Variants in FAM171A1 observed in about 807,000 individuals in gnomAD.
FAM171A1 encodes family with sequence similarity 171 member A1.
A neutral mutation model predicts 74.9 loss-of-function variants in FAM171A1; 23 were observed. The ratio of observed to expected loss-of-function variants is 0.31; its 90% CI spans 0.22 to 0.44. The LOEUF is 0.44. Ranked by LOEUF, FAM171A1 falls within the 20% of genes least tolerant of loss-of-function variation. The pLI is 1.00. For synonymous variants in FAM171A1, 527 were observed against 505.7 expected (o/e 1.04, Z -0.57); for missense variants, 1,162 against 1,159.2 (o/e 1.00, Z -0.03).
chr10:15,214,158 T>C lies in FAM171A1; in HGVS notation c.1430A>G (p.Tyr477Cys), dbSNP rs1287014897. The change falls in exon 8 of 8, where the codon TAC becomes TGC. Residue 477 changes from tyrosine (Y) to cysteine (C), a missense_variant. Tyr to Cys is a radical substitution (Grantham distance 194). Coordinates refer to ENST00000378116, the MANE Select transcript of FAM171A1 (RefSeq NM_001010924.2). ...GTAGTCATCATTGCCCGAGGACTCGTAGCCTTCTCTTTCCATAGATTTTCT... is the reference window on the plus strand; with the variant it reads ...GTAGTCATCATTGCCCGAGGACTCGCAGCCTTCTCTTTCCATAGATTTTCT... ...KARKSMEREG[Y>C]ESSGNDDYRG... 3.1e-6 allele frequency: 5 copies of C among 1,614,184 alleles called. 1 individual carries two copies. In the South Asian group the frequency reaches 5.5e-5, roughly 18 times the overall value.
chr10:15,336,793 T>C (rs1835705864), intron 1 of FAM171A1, among the ~76,000 whole-genome samples: 1 of 152,134 alleles, frequency 6.6e-6, no homozygotes, highest in Non-Finnish European at 1.5e-5. Context: ...TCCCCAAGGA[T>C]ACAATGATTG....
intron 1 of FAM171A1, among the ~76,000 whole-genome samples, chr10:15,321,966 C>G (rs1276036911): frequency 2.0e-5 from 3 of 152,158 alleles, no homozygotes; most frequent in Non-Finnish European, 4.4e-5. Flanking sequence ...TGACTTTGAG[C>G]CAAGACAGCC....
chr10:15,354,439 C>T (rs937185344), intron 1 of FAM171A1, among the ~76,000 whole-genome samples: 8 of 151,732 alleles, frequency 5.3e-5, no homozygotes, highest in African/African-American at 1.7e-4. Context: ...GAGGTTGCAG[C>T]GCACCGAGAT....
chr10:15,317,298 C>G (rs1835434105), intron 1 of FAM171A1, among the ~76,000 whole-genome samples: 1 of 152,176 alleles, frequency 6.6e-6, no homozygotes, highest in Non-Finnish European at 1.5e-5. Flanking sequence ...TGGGTTTATC[C>G]TGCAGGCCAG....
intron 1 of FAM171A1, among the ~76,000 whole-genome samples, chr10:15,287,612 T>A (rs1010471684): frequency 7.9e-5 from 12 of 152,104 alleles, no homozygotes; most frequent in Admixed American, 1.3e-4. Context: ...GGTCTTGATC[T>A]CTTGACCTGG....
At chr10:15,219,756 A>G (rs529310311) in intron 6 of FAM171A1, among the ~76,000 whole-genome samples, 317 of 152,204 alleles carry the variant, frequency 2.1e-3, no homozygotes, top group African/African-American at 7.3e-3. Context: ...TAATTTTTGT[A>G]TTTTGAGTAG....
At chr10:15,279,879 C>T (rs1834944944) in intron 2 of FAM171A1, among the ~76,000 whole-genome samples, 1 of 151,950 alleles carries the variant, frequency 6.6e-6, no homozygotes, top group South Asian at 2.1e-4. Flanking sequence ...GATTGCACCA[C>T]TGAGACTCTG....
At chr10:15,334,257 C>A (rs772100063) in intron 1 of FAM171A1, among the ~76,000 whole-genome samples, 1 of 152,184 alleles carries the variant, frequency 6.6e-6, no homozygotes, top group Non-Finnish European at 1.5e-5. Context: ...ATCCTCTAAC[C>A]TTGGGTTTTT....
intron 6 of FAM171A1, 95 bp downstream of exon 6, chr10:15,220,849 C>T: frequency 1.2e-6 from 1 of 864,548 alleles, no homozygotes; most frequent in Non-Finnish European, 1.8e-6. Flanking sequence ...GATGTGATCG[C>T]CCTGCTGAAG....
intron 4 of FAM171A1, among the ~76,000 whole-genome samples, chr10:15,249,530 T>G (rs1365711727): frequency 6.6e-6 from 1 of 152,238 alleles, no homozygotes; most frequent in East Asian, 1.9e-4. Context: ...GTGAGCCCCA[T>G]GCACATGTTA....
chr10:15,262,465 T>C (rs768350842), intron 3 of FAM171A1, among the ~76,000 whole-genome samples: 1 of 151,992 alleles, frequency 6.6e-6, no homozygotes, highest in Non-Finnish European at 1.5e-5. Context: ...AGAGAAAGGA[T>C]GAAGACATCC....
intron 1 of FAM171A1, among the ~76,000 whole-genome samples, chr10:15,361,755 T>A (rs1040676663): frequency 5.3e-5 from 8 of 152,206 alleles, no homozygotes; most frequent in African/African-American, 1.7e-4. Flanking sequence ...AAGTGTTCAG[T>A]GCTCTTCATT....
intron 2 of FAM171A1, among the ~76,000 whole-genome samples, chr10:15,279,900 TAAAAC>T (rs142632154): frequency 1.1e-4 from 17 of 149,752 alleles, no homozygotes; most frequent in African/African-American, 2.7e-4. Context: ...TCTTGAAAAA[TAAAAC>T]AAAACAAAAC....
In FAM171A1 at chr10:15,240,806, G is replaced by C. The variant is rs1335082201; in HGVS notation, c.754+7833C>G. 11 of 873,618 alleles carry C rather than the reference G, an allele frequency of 1.3e-5. No homozygotes were observed. The Admixed American group carries it at 6.2e-4, about 49-fold the overall frequency. The allele number at this position is 873,618 out of a possible 1,614,324, so 54.1% of individuals were successfully genotyped here. ...TGTAATCCCAGTGACTTGGGAGGCTGAGTTGGGAGGATCACTTGAGGGCAG... is the reference window on the plus strand; with the variant it reads ...TGTAATCCCAGTGACTTGGGAGGCTCAGTTGGGAGGATCACTTGAGGGCAG... On this transcript the variant is annotated intron_variant, in intron 5 of 7. Coordinates refer to ENST00000378116, the MANE Select transcript of FAM171A1 (RefSeq NM_001010924.2).
At chr10:15,275,390 G>A (rs965881198) in intron 3 of FAM171A1, among the ~76,000 whole-genome samples, 13 of 151,122 alleles carry the variant, frequency 8.6e-5, no homozygotes, top group Non-Finnish European at 1.9e-4. Context: ...AGGTTTAAGC[G>A]ATTCTCCTGC....
rs146240582 is a variant in FAM171A1 at position 15,261,839 on chromosome 10, C to T, written c.419-6960G>A. On this transcript the variant is annotated intron_variant, in intron 3 of 7. Transcript: ENST00000378116. ...TAAGTCCCAATCAAGAGTTTGGGGC[C>T]GGGTGTGGTGGCTCATCCTTGTCAT... Among the ~76,000 whole-genome samples the T allele has an allele frequency of 2.0e-4, 30 of 152,196 alleles. No individual in the cohort carries two copies. The East Asian group carries it at 5.2e-3, about 27-fold the overall frequency.
chr10:15,343,410 A>G (rs56081024), intron 1 of FAM171A1, among the ~76,000 whole-genome samples: 64,544 of 151,990 alleles, frequency 0.42, 13,913 homozygotes, highest in Non-Finnish European at 0.49. Flanking sequence ...ATTGCAATCC[A>G]GGGCGGGAAG....
chr10:15,237,890 T>C (rs1564619434), intron 5 of FAM171A1, among the ~76,000 whole-genome samples: 1 of 152,196 alleles, frequency 6.6e-6, no homozygotes, highest in Non-Finnish European at 1.5e-5. Context: ...TTCTAAGCCA[T>C]AGCCTTGACT....
At chr10:15,344,937 C>T (rs1182279673) in intron 1 of FAM171A1, among the ~76,000 whole-genome samples, 11 of 152,308 alleles carry the variant, frequency 7.2e-5, no homozygotes, top group Admixed American at 7.2e-4. Context: ...AGTTCTTCAG[C>T]CCTGAACAAA....
Sources: allele counts gnomAD v4.1 joint callset (sites outside exome capture counted in the v4.1 genomes callset), GRCh38; gene constraint gnomAD v4.1.1; transcripts MANE v1.5; gene names NCBI Gene and HGNC (gene_info 2026-07-23, HGNC 2026-07-21).